Variants in NSMCE2 observed in about 807,000 individuals in gnomAD.
The protein encoded by NSMCE2 is NSE2 SUMO ligase component of SMC5/6 complex.
NSMCE2 carries 24 observed loss-of-function variants against 23.8 expected under a neutral mutation model. The ratio of observed to expected loss-of-function variants is 1.01; its 90% CI spans 0.73 to 1.42. The LOEUF (loss-of-function observed/expected upper bound fraction) is 1.42. Among genes scored for constraint, NSMCE2 ranks in the 40% most tolerant of loss-of-function variants. The pLI is 0.00. For synonymous variants in NSMCE2, 92 were observed against 94.1 expected (o/e 0.98, Z 0.13); for missense variants, 284 against 296.5 (o/e 0.96, Z 0.31).
intron 3 of NSMCE2, among the ~76,000 whole-genome samples, chr8:125,114,659 A>T (rs1322105023): frequency 1.3e-5 from 2 of 152,196 alleles, no homozygotes; most frequent in Non-Finnish European, 2.9e-5. Context: ...AGATGCTGCT[A>T]AACAGCCTTC....
At chr8:125,138,406 A>G (rs1223476428) in intron 3 of NSMCE2, among the ~76,000 whole-genome samples, 1 of 150,984 alleles carries the variant, frequency 6.6e-6, no homozygotes, top group East Asian at 1.9e-4. Context: ...TTTTATTTTT[A>G]GTAGAGGTGG....
chr8:125,103,507 T>TA (rs1818304536), intron 3 of NSMCE2, among the ~76,000 whole-genome samples: 1 of 152,202 alleles, frequency 6.6e-6, no homozygotes. Flanking sequence ...TCTGTCAGCT[T>TA]ATAGTTTTTT....
chr8:125,260,005 A>G (rs1373563276), intron 5 of NSMCE2, among the ~76,000 whole-genome samples: 3 of 152,228 alleles, frequency 2.0e-5, no homozygotes, highest in Non-Finnish European at 4.4e-5. Context: ...TGGTGAAACA[A>G]AAAGAAAGCA....
At chr8:125,098,873 G>A (rs968377578) in intron 1 of NSMCE2, among the ~76,000 whole-genome samples, 4 of 152,106 alleles carry the variant, frequency 2.6e-5, no homozygotes, top group African/African-American at 9.7e-5. Flanking sequence ...CTTGCCAATG[G>A]TATTTAGATG....
At chr8:125,139,671 T>A (rs1310533113) in intron 3 of NSMCE2, among the ~76,000 whole-genome samples, 3 of 152,124 alleles carry the variant, frequency 2.0e-5, no homozygotes, top group Non-Finnish European at 2.9e-5. Context: ...CCCCCAGGAT[T>A]CAATTACCTC....
chr8:125,184,318 A>G (rs1249393094), intron 5 of NSMCE2, among the ~76,000 whole-genome samples: 1 of 152,150 alleles, frequency 6.6e-6, no homozygotes. Context: ...AATTCAAAAA[A>G]ATGATAAATG....
chr8:125,122,539 A>C (rs1334796269), intron 3 of NSMCE2, among the ~76,000 whole-genome samples: 1 of 152,208 alleles, frequency 6.6e-6, no homozygotes, highest in African/African-American at 2.4e-5. Flanking sequence ...TTCTCTGCTC[A>C]CATGACTTCC....
intron 5 of NSMCE2, among the ~76,000 whole-genome samples, chr8:125,211,904 A>G (rs1586617639): frequency 1.3e-5 from 2 of 152,262 alleles, no homozygotes; most frequent in Admixed American, 1.3e-4. Flanking sequence ...CATTGACTTT[A>G]TATTCCTTAA....
intron 3 of NSMCE2, among the ~76,000 whole-genome samples, chr8:125,129,939 A>G (rs1275326847): frequency 6.6e-6 from 1 of 152,202 alleles, no homozygotes. Flanking sequence ...AAACTAAGGA[A>G]CAACTCTGGT....
chr8:125,222,234 T>A (rs183349229), intron 5 of NSMCE2, among the ~76,000 whole-genome samples: 3,281 of 152,106 alleles, frequency 0.022, 128 homozygotes, highest in African/African-American at 0.075. Flanking sequence ...AACGATTTTT[T>A]AAAATTTTTT....
chr8:125,155,501 G>A (rs1192563332), intron 4 of NSMCE2, among the ~76,000 whole-genome samples: 2 of 152,166 alleles, frequency 1.3e-5, no homozygotes, highest in Non-Finnish European at 2.9e-5. Context: ...GATTCATTTA[G>A]TAATAGATTT....
chr8:125,255,847 G>C (rs1224835842), intron 5 of NSMCE2, among the ~76,000 whole-genome samples: 1 of 152,184 alleles, frequency 6.6e-6, no homozygotes, highest in Non-Finnish European at 1.5e-5. Context: ...GAATTCTGAA[G>C]CATGAAGACC....
intron 5 of NSMCE2, among the ~76,000 whole-genome samples, chr8:125,310,778 A>G (rs1828946637): frequency 6.6e-6 from 1 of 152,184 alleles, no homozygotes; most frequent in South Asian, 2.1e-4. Context: ...TTTTTCCTCC[A>G]TGCTCATTTA....
intron 4 of NSMCE2, among the ~76,000 whole-genome samples, chr8:125,155,644 T>C (rs776932983): frequency 6.6e-6 from 1 of 152,210 alleles, no homozygotes; most frequent in Non-Finnish European, 1.5e-5. Context: ...AGACTTTTTA[T>C]TGACTATTAA....
chr8:125,226,340 A>G (rs1483031503), intron 5 of NSMCE2, among the ~76,000 whole-genome samples: 1 of 152,250 alleles, frequency 6.6e-6, no homozygotes, highest in African/African-American at 2.4e-5. Context: ...CAGTTATCAG[A>G]TGATAAATTC....
chr8:125,320,062 C>T (rs1040477697), intron 5 of NSMCE2, among the ~76,000 whole-genome samples: 2 of 151,450 alleles, frequency 1.3e-5, no homozygotes, highest in East Asian at 3.9e-4. Flanking sequence ...TATAGTCCCA[C>T]CTGCTCAGGA....
intron 5 of NSMCE2, among the ~76,000 whole-genome samples, chr8:125,277,663 C>T (rs934958706): frequency 2.0e-5 from 3 of 152,116 alleles, no homozygotes; most frequent in South Asian, 2.1e-4. Context: ...CCCGCCACCA[C>T]ACCTGGCTAA....
chr8:125,168,697 A>T lies in NSMCE2; in HGVS notation c.265-13406A>T, dbSNP rs184345698. Among the ~76,000 whole-genome samples the T allele has an allele frequency of 1.7e-3, 256 of 152,256 alleles. 1 individual carries two copies. Among genetic ancestry groups the T allele is most frequent in the African/African-American group, 6.0e-3 (250 of 41,544 alleles). On this transcript the variant is annotated intron_variant, in intron 4 of 7. Transcript: ENST00000287437. ...GCTCTAATCTCTTCCCAGAGGCCTCACCTCCTAATACCATCACCTTAAGGG... is the reference window on the plus strand; with the variant it reads ...GCTCTAATCTCTTCCCAGAGGCCTCTCCTCCTAATACCATCACCTTAAGGG...
At chr8:125,243,158 C>T (rs996480111) in intron 5 of NSMCE2, among the ~76,000 whole-genome samples, 1 of 152,070 alleles carries the variant, frequency 6.6e-6, no homozygotes, top group African/African-American at 2.4e-5. Flanking sequence ...TGAGGGGAGA[C>T]AGGCAATCAA....
Sources: gnomAD v4.1 joint callset for allele counts (sites outside exome capture counted in the v4.1 genomes callset) on GRCh38, gnomAD v4.1.1 for gene constraint, MANE v1.5 for transcripts, NCBI Gene and HGNC (gene_info 2026-07-23, HGNC 2026-07-21) for gene names.